Variants in RPTOR observed in about 807,000 individuals in gnomAD.
The protein encoded by RPTOR is regulatory-associated protein of mTOR.
Under a neutral mutation model 169.9 loss-of-function variants are expected in RPTOR, and 21 were observed. The ratio of observed to expected loss-of-function variants is 0.12; its 90% CI spans 0.09 to 0.18. RPTOR has a LOEUF of 0.18. RPTOR is among the 10% of genes least tolerant of loss of function. RPTOR has a pLI of 1.00. For synonymous variants in RPTOR, 732 were observed against 753.2 expected (o/e 0.97, Z 0.46); for missense variants, 1,133 against 1,855.9 (o/e 0.61, Z 7.16).
intron 3 of RPTOR, among the ~76,000 whole-genome samples, chr17:80,650,404 CG>C (rs1249521213): frequency 6.6e-6 from 1 of 152,220 alleles, no homozygotes; most frequent in Non-Finnish European, 1.5e-5. Context: ...TCCGCAGAGT[CG>C]TGCTGGGCTC....
At chr17:80,816,519 C>T (rs115455070) in intron 7 of RPTOR, among the ~76,000 whole-genome samples, 4 of 152,188 alleles carry the variant, frequency 2.6e-5, no homozygotes, top group African/African-American at 9.7e-5. Flanking sequence ...AGCGCCTTGT[C>T]GTGAGACCTG....
At chr17:80,842,361 G>A (rs548828398) in intron 10 of RPTOR, among the ~76,000 whole-genome samples, 2 of 151,548 alleles carry the variant, frequency 1.3e-5, no homozygotes, top group Non-Finnish European at 2.9e-5. Context: ...CCACCTGCTA[G>A]CACCAATTCT....
Position 80,634,761 on chromosome 17 carries a change from G to A in RPTOR, c.266-8967G>A, listed in dbSNP as rs1390211486. Reference sequence around the variant, plus strand: ...GTGTGTGTGCATACTGTGTGTGTGCGTACTGTGCGTGTGTGTACTGTGTGC... The same window carrying A: ...GTGTGTGTGCATACTGTGTGTGTGCATACTGTGCGTGTGTGTACTGTGTGC... On this transcript the variant is annotated intron_variant, in intron 2 of 33. Coordinates refer to ENST00000306801, the MANE Select transcript of RPTOR (RefSeq NM_020761.3). Among the ~76,000 whole-genome samples the A allele has an allele frequency of 1.6e-4, 19 of 118,814 alleles. 2 individuals carry two copies. Among genetic ancestry groups the A allele is most frequent in the South Asian group, 2.8e-4 (1 of 3,522 alleles). 77.9% of individuals were successfully genotyped at this position (118,814 alleles called of 152,430 possible).
chr17:80,620,696 G>T (rs2065347827), intron 1 of RPTOR, among the ~76,000 whole-genome samples: 1 of 152,230 alleles, frequency 6.6e-6, no homozygotes. Flanking sequence ...AACCCAGGAG[G>T]TGGAGGTTGC....
intron 9 of RPTOR, among the ~76,000 whole-genome samples, chr17:80,825,847 G>A (rs1423625166): frequency 6.6e-6 from 1 of 152,210 alleles, no homozygotes; most frequent in Non-Finnish European, 1.5e-5. Flanking sequence ...AGCCTGCGGT[G>A]TCGTGTCCTC....
At chr17:80,797,045 TTA>T (rs1382898556) in intron 7 of RPTOR, among the ~76,000 whole-genome samples, 2 of 152,248 alleles carry the variant, frequency 1.3e-5, no homozygotes, top group African/African-American at 4.8e-5. Context: ...AACGCTATTT[TTA>T]TGTTTTTTTA....
chr17:80,665,229 T>TAC (rs2065754419), intron 3 of RPTOR, among the ~76,000 whole-genome samples: 1 of 152,110 alleles, frequency 6.6e-6, no homozygotes, highest in Admixed American at 6.5e-5. Context: ...GACCTGAGTT[T>TAC]CCTGGCGAGG....
chr17:80,826,099 C>T (rs1454542774), intron 9 of RPTOR, among the ~76,000 whole-genome samples: 3 of 152,082 alleles, frequency 2.0e-5, no homozygotes, highest in Non-Finnish European at 2.9e-5. Flanking sequence ...CATAGGCCAC[C>T]CAGAAGAGGG....
rs1024686914 is a variant in RPTOR, at chr17:80,777,151, C to T, written c.831-14299C>T. Among the ~76,000 whole-genome samples, 13 of 151,624 alleles carry T rather than the reference C, an allele frequency of 8.6e-5. 1 individual carries two copies. Among genetic ancestry groups the T allele is most frequent in the Admixed American group, 6.6e-4 (10 of 15,212 alleles). On this transcript the variant is annotated intron_variant, in intron 6 of 33. Coordinates refer to ENST00000306801, the MANE Select transcript of RPTOR (RefSeq NM_020761.3). ...ACTGGGGAGGCTGAGGCAGGAGAAT[C>T]GCTTGAACCAGGGAGTCGGAGGTTG... is the stretch of plus-strand genomic sequence containing the variant.
At position 80,633,657 on chromosome 17, in the gene RPTOR, T is replaced by G. The variant is rs1307287701; in HGVS notation, c.265+7864T>G. On this transcript the variant is annotated intron_variant, in intron 2 of 33. Coordinates refer to ENST00000306801, the MANE Select transcript of RPTOR (RefSeq NM_020761.3). This position sits in a 1 kb window ranked among gnomAD's most constrained non-coding sequence, Gnocchi z 4.1. ...TGATTCAGCTGGCGCCTGCTGGACC[T>G]CATGTGAAATTCCCCTTTGTAGTTG... is the stretch of plus-strand genomic sequence containing the variant. 6.6e-6 allele frequency among the ~76,000 whole-genome samples: 1 copy of G among 152,236 alleles called. No individual in the cohort carries two copies. The highest frequency in any genetic ancestry group is 1.5e-5 in the Non-Finnish European group (1 of 68,040).
intron 20 of RPTOR, among the ~76,000 whole-genome samples, chr17:80,894,374 T>G (rs1663063389): frequency 6.6e-6 from 1 of 152,178 alleles, no homozygotes; most frequent in Non-Finnish European, 1.5e-5. Context: ...GCGGTCGGGC[T>G]GGGGGCTGTC....
chr17:80,893,816 C>T lies in RPTOR; in HGVS notation c.2352C>T (p.Ile784=), dbSNP rs190807835. Residue 784 remains isoleucine, a synonymous_variant, in exon 20 of 34, where the codon ATC becomes ATT. Transcript: ENST00000306801. ...NEEHILSFET[I]DKMRRASSYS... ...AGCATATCCTGTCCTTCGAGACCATCGACAAGATGCGCCGCGCCAGCTCCT... is the reference window on the plus strand; with the variant it reads ...AGCATATCCTGTCCTTCGAGACCATTGACAAGATGCGCCGCGCCAGCTCCT... The T allele has an allele frequency of 1.3e-6, 2 of 1,546,572 alleles. No individual in the cohort carries two copies. The highest frequency in any genetic ancestry group is 1.8e-6 in the Non-Finnish European group (2 of 1,142,828).
chr17:80,939,293 G>C (rs1157626201), intron 24 of RPTOR, among the ~76,000 whole-genome samples: 2 of 152,194 alleles, frequency 1.3e-5, no homozygotes, highest in Admixed American at 6.5e-5. Flanking sequence ...TATTTGCCAA[G>C]TGTGGACCTC....
At chr17:80,628,715 C>G (rs1229905510) in intron 2 of RPTOR, among the ~76,000 whole-genome samples, 4 of 152,152 alleles carry the variant, frequency 2.6e-5, no homozygotes, top group African/African-American at 9.6e-5. Flanking sequence ...CATCTGGGCT[C>G]TAGTGGTCCT....
Position 80,771,419 on chromosome 17 carries a change from G to A in RPTOR, c.830+17234G>A, listed in dbSNP as rs144014657. ...ACCCCAGCAAGAGGGCACTCCCGCC[G>A]CCCGCTGGCCCTCCTGGGCCTCATT... is the stretch of plus-strand genomic sequence containing the variant. On this transcript the variant is annotated intron_variant, in intron 6 of 33. Coordinates refer to ENST00000306801, the MANE Select transcript of RPTOR (RefSeq NM_020761.3). Among the ~76,000 whole-genome samples, 36 of 152,256 alleles carry A rather than the reference G, an allele frequency of 2.4e-4. 1 individual carries two copies. In the East Asian group the frequency reaches 6.6e-3, roughly 28 times the overall value.
intron 2 of RPTOR, among the ~76,000 whole-genome samples, chr17:80,638,894 G>C (rs1450682931): frequency 1.3e-5 from 2 of 152,172 alleles, no homozygotes; most frequent in African/African-American, 2.4e-5. Context: ...GTGTTAGAAC[G>C]GGGCCAGACT....
At chr17:80,632,678 A>G (rs1012336483) in intron 2 of RPTOR, among the ~76,000 whole-genome samples, 7 of 152,202 alleles carry the variant, frequency 4.6e-5, no homozygotes, top group Non-Finnish European at 1.0e-4. Flanking sequence ...AAAAATGGGT[A>G]GGTTCCTGGT....
intron 1 of RPTOR, among the ~76,000 whole-genome samples, chr17:80,619,695 G>C (rs953705711): frequency 5.9e-5 from 9 of 152,218 alleles, no homozygotes; most frequent in Admixed American, 2.6e-4. Flanking sequence ...TCCATGGAGA[G>C]TGGAAATGTT....
At chr17:80,597,967 C>T (rs2065156306) in intron 1 of RPTOR, among the ~76,000 whole-genome samples, 1 of 152,014 alleles carries the variant, frequency 6.6e-6, no homozygotes, top group Non-Finnish European at 1.5e-5. Context: ...TAGTGAAATG[C>T]CATCTCTACA....
Sources: gnomAD v4.1 joint callset for allele counts (sites outside exome capture counted in the v4.1 genomes callset) on GRCh38, gnomAD v4.1.1 for gene constraint, Gnocchi (gnomAD v3.1) non-coding constraint, MANE v1.5 for transcripts, NCBI Gene and HGNC (gene_info 2026-07-23, HGNC 2026-07-21) for gene names.